The following KAZN variants were observed in gnomAD, a reference collection of about 807,000 sequenced individuals.
KAZN encodes the protein kazrin.
KAZN carries 40 observed loss-of-function variants against 87.4 expected under a neutral mutation model. The observed-to-expected ratio is 0.46, with a 90% CI of 0.36 to 0.60. KAZN has a LOEUF of 0.60. KAZN is among the 20% of genes least tolerant of loss of function. KAZN has a pLI of 0.00. For missense variants in KAZN, 898 were observed against 1,073.9 expected, an observed-to-expected ratio of 0.84 and a Z score of 2.29; for synonymous variants, 466 against 458.3, an observed-to-expected ratio of 1.02 and a Z score of -0.22.
chr1:13,954,683 A>C (rs1267865330), intron 1 of KAZN, among the ~76,000 whole-genome samples: 2 of 152,224 alleles, frequency 1.3e-5, no homozygotes, highest in Non-Finnish European at 2.9e-5. Flanking sequence ...AAAAGCAAGC[A>C]TTCATCACCA....
At chr1:14,190,041 C>T (rs1172400376) in intron 2 of KAZN, among the ~76,000 whole-genome samples, 2 of 152,196 alleles carry the variant, frequency 1.3e-5, no homozygotes, top group Non-Finnish European at 2.9e-5. Flanking sequence ...TTTAAGAGGC[C>T]TCTACATCCA....
chr1:14,399,209 G>C (rs1180856014), intron 2 of KAZN, among the ~76,000 whole-genome samples: 1 of 151,782 alleles, frequency 6.6e-6, no homozygotes, highest in African/African-American at 2.4e-5. Flanking sequence ...TGGAGATGAG[G>C]TCTCACTATG....
At position 14,949,515 on chromosome 1, in the gene KAZN, A is replaced by G. The variant is rs1362892871; in HGVS notation, c.227-11169A>G. Reference sequence around the variant, plus strand: ...GAACCCAGCCACTCTGGTGGCAGGCAGGTGCCTGCCTCTCCCACCCCCACC... The same window carrying G: ...GAACCCAGCCACTCTGGTGGCAGGCGGGTGCCTGCCTCTCCCACCCCCACC... On this transcript the variant is annotated intron_variant, in intron 1 of 14. Coordinates refer to ENST00000376030, the MANE Select transcript of KAZN (RefSeq NM_201628.3). This position sits in a 1 kb window ranked among gnomAD's most constrained non-coding sequence, Gnocchi z 4.3. Among the ~76,000 whole-genome samples, 1 of 152,194 alleles carries G rather than the reference A, an allele frequency of 6.6e-6. No homozygotes were observed. Among genetic ancestry groups the G allele is most frequent in the Non-Finnish European group, 1.5e-5 (1 of 68,040 alleles).
At chr1:14,774,274 C>G (rs1645109141) in intron 1 of KAZN, among the ~76,000 whole-genome samples, 1 of 152,126 alleles carries the variant, frequency 6.6e-6, no homozygotes, top group Non-Finnish European at 1.5e-5. Flanking sequence ...GTGGGCCTCA[C>G]TTCTTTTCTC....
chr1:14,555,034 G>A (rs1251821511), intron 2 of KAZN, among the ~76,000 whole-genome samples: 1 of 152,184 alleles, frequency 6.6e-6, no homozygotes, highest in South Asian at 2.1e-4. Context: ...TTACAGCCGT[G>A]GAGGGACTGT....
chr1:14,305,590 C>A (rs762469766), intron 2 of KAZN, among the ~76,000 whole-genome samples: 7 of 151,996 alleles, frequency 4.6e-5, no homozygotes, highest in African/African-American at 1.5e-4. Context: ...CTCAAGATTA[C>A]CCCAGTTAAT....
At chr1:14,846,747 A>G (rs762159366) in intron 1 of KAZN, among the ~76,000 whole-genome samples, 2 of 152,172 alleles carry the variant, frequency 1.3e-5, no homozygotes, top group Non-Finnish European at 2.9e-5. Flanking sequence ...CAGTGATCAT[A>G]ACTGTTGAAT....
intron 1 of KAZN, among the ~76,000 whole-genome samples, chr1:14,652,445 A>ACCCC (rs1638445129): frequency 7.2e-6 from 1 of 138,606 alleles, no homozygotes; most frequent in South Asian, 2.3e-4. Context: ...TCGACCACCC[A>ACCCC]CCCACCCATC....
intron 2 of KAZN, among the ~76,000 whole-genome samples, chr1:14,249,956 C>T (rs1222912464): frequency 5.3e-5 from 8 of 152,068 alleles, no homozygotes; most frequent in Non-Finnish European, 1.2e-4. Flanking sequence ...CTCGGGCTTC[C>T]TAGAACTATC....
chr1:13,962,491 G>A (rs1447411706), intron 1 of KAZN, among the ~76,000 whole-genome samples: 1 of 152,142 alleles, frequency 6.6e-6, no homozygotes, highest in African/African-American at 2.4e-5. Flanking sequence ...CATCCTCAGA[G>A]GCTCTCACTT....
At chr1:14,065,545 G>A (rs1324391946) in intron 1 of KAZN, among the ~76,000 whole-genome samples, 3 of 150,452 alleles carry the variant, frequency 2.0e-5, no homozygotes, top group Non-Finnish European at 3.0e-5. Flanking sequence ...CGAAAATCTT[G>A]GGCCAAATCA....
intron 1 of KAZN, among the ~76,000 whole-genome samples, chr1:14,157,913 T>C (rs1354728510): frequency 6.6e-6 from 1 of 152,084 alleles, no homozygotes; most frequent in Non-Finnish European, 1.5e-5. Context: ...AGAGCCCTTA[T>C]AAAACCATCA....
At chr1:14,267,917 GC>G (rs1326234650) in intron 2 of KAZN, among the ~76,000 whole-genome samples, 1 of 152,196 alleles carries the variant, frequency 6.6e-6, no homozygotes, top group East Asian at 1.9e-4. Flanking sequence ...CTGAGATCAT[GC>G]CACTGCACTT....
intron 1 of KAZN, among the ~76,000 whole-genome samples, chr1:14,747,121 T>G (rs1464184442): frequency 1.3e-5 from 2 of 152,216 alleles, no homozygotes; most frequent in Admixed American, 1.3e-4. Flanking sequence ...CGTAACATAT[T>G]GTCCTCAAGA....
rs150201736 is a variant in KAZN at position 15,071,503 on chromosome 1, C to A, written c.1222+5750C>A. On this transcript the variant is annotated intron_variant, in intron 8 of 14. Transcript: ENST00000376030. ...CGCCTGACCTCAGGTGATCCACCCA[C>A]CTTGGCCTCCCAAAGTGCTGGAATT... Among the ~76,000 whole-genome samples, 745 of 152,324 alleles carry A rather than the reference C, an allele frequency of 4.9e-3. 8 individuals are homozygous for A. The highest frequency in any genetic ancestry group is 0.017 in the African/African-American group (713 of 41,578).
At chr1:14,392,289 T>C (rs1662510820) in intron 2 of KAZN, among the ~76,000 whole-genome samples, 2 of 152,198 alleles carry the variant, frequency 1.3e-5, no homozygotes, top group Admixed American at 6.5e-5. Context: ...GACATGTACA[T>C]ATATATTACA....
chr1:15,104,223 G>A (rs377136660), intron 13 of KAZN, 34 bp downstream of exon 13: 683 of 1,541,870 alleles, frequency 4.4e-4, no homozygotes, highest in Non-Finnish European at 5.5e-4. Context: ...CATGTGGGCT[G>A]CTGGGTACAG....
intron 2 of KAZN, among the ~76,000 whole-genome samples, chr1:14,350,641 G>A (rs1253959543): frequency 6.6e-6 from 1 of 152,204 alleles, no homozygotes; most frequent in Non-Finnish European, 1.5e-5. Flanking sequence ...CCACCACAAA[G>A]AATGATCCAT....
chr1:14,927,773 C>G (rs972272116), intron 1 of KAZN, among the ~76,000 whole-genome samples: 2 of 152,172 alleles, frequency 1.3e-5, no homozygotes. Flanking sequence ...CATCCTCTAC[C>G]TTTTTAAAAT....
Sources: gnomAD v4.1 joint callset for allele counts (sites outside exome capture counted in the v4.1 genomes callset) on GRCh38, gnomAD v4.1.1 for gene constraint, Gnocchi (gnomAD v3.1) non-coding constraint, MANE v1.5 for transcripts, NCBI Gene and HGNC (gene_info 2026-07-23, HGNC 2026-07-21) for gene names.